The following ZNF808 variants were observed in gnomAD, a reference collection of about 807,000 sequenced individuals.
ZNF808 encodes zinc finger protein 808.
A neutral mutation model predicts 8.7 loss-of-function variants in ZNF808; 5 were observed. The ratio of observed to expected loss-of-function variants is 0.58; its 90% CI spans 0.30 to 1.21. The LOEUF is 1.21. ZNF808 is among the 50% of genes most tolerant of loss of function. The pLI is 0.07. For missense variants in ZNF808, 1,103 were observed against 1,098.4 expected (o/e 1.00, Z -0.06); for synonymous variants, 380 against 366.0 (o/e 1.04, Z -0.44).
chr19:52,557,428 G>C (rs1482758717), downstream of ZNF808, among the ~76,000 whole-genome samples: 1 of 151,824 alleles, frequency 6.6e-6, no homozygotes, highest in Admixed American at 6.6e-5. Flanking sequence ...CACCACTCCC[G>C]GCTAATTTTT....
Position 52,550,000 on chromosome 19 carries a change from G to A in ZNF808, c.190+2362G>A, listed in dbSNP as rs543214290. ...GCGCTTGTGTCCCAGCTCAGCCTTTGTATCCCCCTTGATGTACTTCTATCT... is the reference window on the plus strand; with the variant it reads ...GCGCTTGTGTCCCAGCTCAGCCTTTATATCCCCCTTGATGTACTTCTATCT... On this transcript the variant is annotated intron_variant, in intron 4 of 4. Coordinates refer to ENST00000359798, the MANE Select transcript of ZNF808 (RefSeq NM_001039886.4). 4.6e-5 allele frequency among the ~76,000 whole-genome samples: 7 copies of A among 152,244 alleles called. No homozygotes were observed. The South Asian group carries it at 1.5e-3, about 32-fold the overall frequency.
rs571451575 is a variant in ZNF808, at chr19:52,554,280, A to G, written c.1364A>G (p.Tyr455Cys). 4.2e-5 allele frequency: 67 copies of G among 1,614,210 alleles called. No homozygotes were observed. In the South Asian group the frequency reaches 6.8e-4, roughly 16 times the overall value. ...AGAATTCATACTGGAGAGAAACCAT[A>G]CAAATGTAAGGTTTGTGATACAGCT... ...HKRIHTGEKP[Y>C]KCKVCDTAFT... The change falls in exon 5 of 5, where the codon TAC becomes TGC. Residue 455 changes from tyrosine (Y) to cysteine (C), a missense_variant. Transcript: ENST00000359798.
Position 52,556,046 on chromosome 19 carries a change from A to G in ZNF808, c.*418A>G, listed in dbSNP as rs972371725. The G allele has an allele frequency of 3.9e-6, 2 of 509,818 alleles. No individual in the cohort carries two copies. The highest frequency in any genetic ancestry group is 3.2e-5 in the South Asian group (2 of 62,424). The allele number at this position is 509,818 out of a possible 1,614,324, so 31.6% of individuals were successfully genotyped here. A position where few individuals can be genotyped will look rare whatever the true frequency, so the allele number is the denominator to read the frequency against. The stretch of plus-strand genomic sequence containing the variant: ...TTCATTTTTGAGATAACTGTTCCCA[A>G]TGCAGTGAGTATAGCAAACCATCAA... On this transcript the variant is annotated 3_prime_UTR_variant, in exon 5 of 5. Transcript: ENST00000359798.
downstream of ZNF808, among the ~76,000 whole-genome samples, chr19:52,558,124 T>C (rs974523333): frequency 5.4e-5 from 8 of 148,656 alleles, no homozygotes; most frequent in Admixed American, 1.4e-4. Flanking sequence ...CTCGCTCTGT[T>C]GCCCAGGCTG....
At chr19:52,567,236 G>A (rs1432990625), downstream of ZNF808, among the ~76,000 whole-genome samples, 2 of 151,996 alleles carry the variant, frequency 1.3e-5, no homozygotes, top group African/African-American at 4.8e-5. Flanking sequence ...ACAGGCGGGA[G>A]CCAATGCAAC....
At chr19:52,533,525 C>T (rs1002351187) in intron 2 of ZNF808, among the ~76,000 whole-genome samples, 4 of 151,674 alleles carry the variant, frequency 2.6e-5, no homozygotes, top group Non-Finnish European at 5.9e-5. Context: ...TGCGCCCGGC[C>T]CAGGGATGTA....
At chr19:52,557,608 G>T (rs746060979), downstream of ZNF808, among the ~76,000 whole-genome samples, 3 of 152,188 alleles carry the variant, frequency 2.0e-5, no homozygotes, top group African/African-American at 7.2e-5. Flanking sequence ...TTATGTCTCA[G>T]TTCTACAGTT....
chr19:52,548,160 C>T (rs546254690), intron 4 of ZNF808, among the ~76,000 whole-genome samples: 1 of 152,148 alleles, frequency 6.6e-6, no homozygotes. Flanking sequence ...TTCCTCCCAG[C>T]GAGGACATCA....
intron 1 of ZNF808, among the ~76,000 whole-genome samples, chr19:52,529,673 G>C (rs551901780): frequency 1.3e-5 from 2 of 152,018 alleles, no homozygotes; most frequent in African/African-American, 4.8e-5. Context: ...GTGGGGTAGA[G>C]AAGTGGGAAA....
chr19:52,561,838 T>C (rs1293887249), intron 3 of ZNF808, among the ~76,000 whole-genome samples: 2 of 152,138 alleles, frequency 1.3e-5, no homozygotes, highest in Non-Finnish European at 2.9e-5. Flanking sequence ...TGAGCCACGG[T>C]GCCTGGCTGC....
Position 52,553,317 on chromosome 19 carries a change from A to C in ZNF808, c.401A>C (p.Lys134Thr), listed in dbSNP as rs2059796544. 6.8e-6 allele frequency: 11 copies of C among 1,613,672 alleles called. No individual in the cohort carries two copies. Among genetic ancestry groups the C allele is most frequent in the Non-Finnish European group, 9.3e-6 (11 of 1,179,884 alleles). ...GAAGCACCCACGACAAAAATAAAAA[A>C]GTTGACTGGTAGCACAGACCAACAT... ...GHEAPTTKIK[K>T]LTGSTDQHDH... The change falls in exon 5 of 5, where the codon AAG becomes ACG. Residue 134 changes from lysine to threonine, a missense_variant. By Grantham distance (78) the Lys-to-Thr change is moderately conservative. Transcript: ENST00000359798.
intron 2 of ZNF808, among the ~76,000 whole-genome samples, chr19:52,535,691 C>T (rs1044146787): frequency 3.0e-4 from 46 of 152,330 alleles, no homozygotes; most frequent in African/African-American, 1.1e-3. Flanking sequence ...TTCTGTGGGC[C>T]ATCAGCATGA....
chr19:52,567,140 C>T (rs749971132), downstream of ZNF808, among the ~76,000 whole-genome samples: 8 of 152,090 alleles, frequency 5.3e-5, no homozygotes, highest in Admixed American at 2.0e-4. Flanking sequence ...TCAGTAGAGA[C>T]GGGGTTTCAT....
downstream of ZNF808, among the ~76,000 whole-genome samples, chr19:52,558,017 CT>C (rs66789100): frequency 0.02 from 935 of 46,302 alleles, 1 homozygote; most frequent in African/African-American, 0.046. Flanking sequence ...CTAGGTGTGG[CT>C]TTTTTTTTTT....
chr19:52,534,947 T>C (rs369192949), intron 2 of ZNF808, among the ~76,000 whole-genome samples: 4 of 152,002 alleles, frequency 2.6e-5, no homozygotes, highest in Admixed American at 6.6e-5. Flanking sequence ...CTTTCACAAA[T>C]GTGCTGGGAC....
intron 1 of ZNF808, among the ~76,000 whole-genome samples, chr19:52,531,487 A>AAATT (rs904821778): frequency 1.4e-4 from 22 of 152,044 alleles, no homozygotes; most frequent in African/African-American, 4.3e-4. Flanking sequence ...ATAAATAAAT[A>AAATT]AATTAATTAA....
At chr19:52,568,315 A>G (rs2059877677), downstream of ZNF808, among the ~76,000 whole-genome samples, 1 of 152,240 alleles carries the variant, frequency 6.6e-6, no homozygotes, top group Non-Finnish European at 1.5e-5. Context: ...TGGAGGTCGT[A>G]GTGAGCCGAG....
intron 2 of ZNF808, among the ~76,000 whole-genome samples, chr19:52,536,862 G>A (rs577782851): frequency 2.6e-5 from 4 of 152,052 alleles, no homozygotes; most frequent in Non-Finnish European, 5.9e-5. Context: ...GATTGAGGAC[G>A]ATCAAAAGAT....
chr19:52,566,352 G>C (rs551428200), downstream of ZNF808, among the ~76,000 whole-genome samples: 1 of 152,062 alleles, frequency 6.6e-6, no homozygotes, highest in South Asian at 2.1e-4. Context: ...ATTTAGTAGA[G>C]ACTGGGTTTC....
Sources: allele counts gnomAD v4.1 joint callset (sites outside exome capture counted in the v4.1 genomes callset), GRCh38; gene constraint gnomAD v4.1.1; transcripts MANE v1.5; gene names NCBI Gene and HGNC (gene_info 2026-07-23, HGNC 2026-07-21).